The following SOX6 variants were observed in gnomAD, a reference collection of about 807,000 sequenced individuals.
SOX6 encodes transcription factor SOX-6.
Under a neutral mutation model 97.8 loss-of-function variants are expected in SOX6, and 11 were observed. The ratio of observed to expected loss-of-function variants is 0.11; its 90% CI spans 0.07 to 0.19. The LOEUF is 0.19. Ranked by LOEUF, SOX6 falls within the 10% of genes least tolerant of loss-of-function variation. The pLI, the probability that SOX6 is intolerant of heterozygous loss-of-function variation, is 1.00. For missense variants in SOX6, 810 were observed against 1,039.5 expected, an observed-to-expected ratio of 0.78 and a Z score of 3.04; for synonymous variants, 360 against 371.4, an observed-to-expected ratio of 0.97 and a Z score of 0.35.
chr11:16,379,847 T>C (rs297337), intron 1 of SOX6, among the ~76,000 whole-genome samples: 30,783 of 151,942 alleles, frequency 0.2, 3,377 homozygotes, highest in Admixed American at 0.32. Context: ...ACCTTACCTA[T>C]AGATGATCAG....
At chr11:16,608,139 A>G (rs773476828) in intron 4 of SOX6, among the ~76,000 whole-genome samples, 3 of 151,974 alleles carry the variant, frequency 2.0e-5, no homozygotes, top group Non-Finnish European at 2.9e-5. Flanking sequence ...AAAGAGCTCT[A>G]TTGGGGCTAG....
chr11:16,254,911 A>G (rs1308434400), intron 3 of SOX6, among the ~76,000 whole-genome samples: 1 of 152,074 alleles, frequency 6.6e-6, no homozygotes, highest in African/African-American at 2.4e-5. Flanking sequence ...ATAAATATAG[A>G]TTAAAATAAG....
At chr11:16,629,328 C>T (rs1438021084) in intron 3 of SOX6, among the ~76,000 whole-genome samples, 1 of 152,152 alleles carries the variant, frequency 6.6e-6, no homozygotes, top group Non-Finnish European at 1.5e-5. Context: ...TTATCAAAAG[C>T]TTTTTCCACA....
chr11:16,269,233 A>G (rs1212411586), intron 3 of SOX6, among the ~76,000 whole-genome samples: 1 of 139,862 alleles, frequency 7.1e-6, no homozygotes, highest in Non-Finnish European at 1.6e-5. Context: ...ACTTCCACAC[A>G]TATTTGGGTT....
At chr11:16,343,848 G>A (rs970576701) in intron 1 of SOX6, among the ~76,000 whole-genome samples, 2 of 151,798 alleles carry the variant, frequency 1.3e-5, no homozygotes, top group Non-Finnish European at 1.5e-5. Context: ...CTCACAATTT[G>A]TCTTTTATTT....
At chr11:16,234,695 T>C (rs1395266016) in intron 3 of SOX6, 24 bp from the exon 4 acceptor site, 1 of 1,278,644 alleles carries the variant, frequency 7.8e-7, no homozygotes, top group Non-Finnish European at 1.1e-6. Flanking sequence ...AAAGTAAGTA[T>C]TAAAAATATA....
At chr11:16,235,982 C>A (rs1395769018) in intron 3 of SOX6, among the ~76,000 whole-genome samples, 2 of 152,068 alleles carry the variant, frequency 1.3e-5, no homozygotes, top group Non-Finnish European at 2.9e-5. Context: ...TGATGAAGAA[C>A]AACCATCCGA....
chr11:16,599,079 T>A (rs1316029136), intron 4 of SOX6, among the ~76,000 whole-genome samples: 1 of 152,156 alleles, frequency 6.6e-6, no homozygotes, highest in East Asian at 1.9e-4. Context: ...TTGAAGAGCA[T>A]CAAATCAATA....
intron 4 of SOX6, among the ~76,000 whole-genome samples, chr11:16,532,954 G>A (rs1229161569): frequency 1.3e-5 from 2 of 151,812 alleles, no homozygotes; most frequent in African/African-American, 4.8e-5. Context: ...TTGCAATAAG[G>A]ACACGCCAAG....
At chr11:16,479,800 CA>C (rs1860312154), upstream of SOX6, among the ~76,000 whole-genome samples, 1 of 152,014 alleles carries the variant, frequency 6.6e-6, no homozygotes, top group African/African-American at 2.4e-5. Context: ...GGCACTTTTA[CA>C]ATAAGTTTTA....
rs546352136 is a variant in SOX6, at chr11:16,639,964, G to C, written n.430-27704C>G. ...ACACTATGTTGAATAGGAGTGGTGA[G>C]AGAGGGCATCCCTGTCTTGTGCCAG... is the stretch of plus-strand genomic sequence containing the variant. On this transcript the variant is annotated intron_variant and non_coding_transcript_variant, in intron 3 of 5. Transcript: ENST00000524520. Among the ~76,000 whole-genome samples, 943 of 152,220 alleles carry C rather than the reference G, an allele frequency of 6.2e-3. 13 individuals are homozygous for C. Among genetic ancestry groups the C allele is most frequent in the African/African-American group, 0.021 (855 of 41,532 alleles).
intron 4 of SOX6, among the ~76,000 whole-genome samples, chr11:16,550,695 C>G (rs1309850049): frequency 2.0e-5 from 3 of 151,918 alleles, no homozygotes; most frequent in African/African-American, 4.8e-5. Context: ...AATAATAACA[C>G]AAAAAGCAGT....
chr11:16,504,668 G>A (rs932765027), intron 4 of SOX6, among the ~76,000 whole-genome samples: 6 of 152,160 alleles, frequency 3.9e-5, no homozygotes, highest in Admixed American at 3.3e-4. Flanking sequence ...TTGGCTCTGC[G>A]TCCCCTGCCC....
intron 4 of SOX6, among the ~76,000 whole-genome samples, chr11:16,520,916 A>G (rs553122623): frequency 6.6e-6 from 1 of 152,326 alleles, no homozygotes; most frequent in African/African-American, 2.4e-5. Flanking sequence ...GGTGGCAGCG[A>G]GGCTGGGGGA....
intron 3 of SOX6, among the ~76,000 whole-genome samples, chr11:16,252,739 G>C (rs1035807421): frequency 6.6e-6 from 1 of 152,090 alleles, no homozygotes; most frequent in Admixed American, 6.6e-5. Flanking sequence ...TAGGGTAAGG[G>C]AAATACCCAA....
At chr11:16,303,938 C>T (rs973595759) in intron 3 of SOX6, among the ~76,000 whole-genome samples, 6 of 152,090 alleles carry the variant, frequency 3.9e-5, no homozygotes, top group African/African-American at 1.2e-4. Context: ...GTTTTTGAGA[C>T]GGAGTTCTTG....
At chr11:16,516,504 C>A (rs540578524) in intron 4 of SOX6, among the ~76,000 whole-genome samples, 1 of 151,896 alleles carries the variant, frequency 6.6e-6, no homozygotes, top group African/African-American at 2.4e-5. Flanking sequence ...ATATCACCAC[C>A]GATCCCACAG....
Position 15,972,670 on chromosome 11 carries a change from T to C in SOX6, c.*139A>G. On this transcript the variant is annotated 3_prime_UTR_variant, in exon 16 of 16. Transcript: ENST00000683767. ...GAAAAATCAGGGAAAACTTAATCTG[T>C]CTCACACTTTACGAAACAATTAAGA... 1.1e-6 allele frequency: 1 copy of C among 903,740 alleles called. No individual in the cohort carries two copies. The highest frequency in any genetic ancestry group is 1.8e-6 in the Non-Finnish European group (1 of 570,728). The allele number at this position is 903,740 out of a possible 1,614,324, so 56.0% of individuals were successfully genotyped here. A position where few individuals can be genotyped will look rare whatever the true frequency, so the allele number is the denominator to read the frequency against.
At chr11:16,037,101 A>G (rs903987907) in intron 12 of SOX6, among the ~76,000 whole-genome samples, 1 of 152,172 alleles carries the variant, frequency 6.6e-6, no homozygotes, top group African/African-American at 2.4e-5. Context: ...ATTTGTTTTG[A>G]TGATAATCAT....
Sources: gnomAD v4.1 joint callset for allele counts (sites outside exome capture counted in the v4.1 genomes callset) on GRCh38, gnomAD v4.1.1 for gene constraint, MANE v1.5 for transcripts, NCBI Gene and HGNC (gene_info 2026-07-23, HGNC 2026-07-21) for gene names.